The following PRKD1 variants were observed in gnomAD, a reference collection of about 807,000 sequenced individuals.
PRKD1 encodes protein kinase D1, also known as serine/threonine-protein kinase D1.
Under a neutral mutation model 95.9 loss-of-function variants are expected in PRKD1, and 63 were observed. The observed-to-expected ratio is 0.66, with a 90% CI of 0.54 to 0.81. The LOEUF is 0.81. PRKD1 is among the 30% of genes least tolerant of loss of function. The pLI, the probability that PRKD1 is intolerant of heterozygous loss-of-function variation, is 0.00. For synonymous variants in PRKD1, 425 were observed against 423.1 expected (o/e 1.00, Z -0.05); for missense variants, 1,048 against 1,165.3 (o/e 0.90, Z 1.47).
At chr14:29,856,175 T>C (rs1485956538) in intron 1 of PRKD1, among the ~76,000 whole-genome samples, 1 of 152,148 alleles carries the variant, frequency 6.6e-6, no homozygotes, top group Non-Finnish European at 1.5e-5. Context: ...GGAAAAATGC[T>C]AGAAAATCAA....
At chr14:29,622,104 C>A (rs1304988288) in intron 13 of PRKD1, among the ~76,000 whole-genome samples, 1 of 152,094 alleles carries the variant, frequency 6.6e-6, no homozygotes, top group African/African-American at 2.4e-5. Flanking sequence ...GCATTTAATT[C>A]TCATAAGGAG....
At chr14:29,871,607 T>G (rs983547670) in intron 1 of PRKD1, among the ~76,000 whole-genome samples, 2 of 152,228 alleles carry the variant, frequency 1.3e-5, no homozygotes, top group Non-Finnish European at 2.9e-5. Context: ...ATCCTGAGAT[T>G]AATAAATGAG....
Position 29,723,423 on chromosome 14 carries a change from A to C in PRKD1, c.403+2113T>G, listed in dbSNP as rs1566561848. 2.0e-5 allele frequency among the ~76,000 whole-genome samples: 3 copies of C among 152,184 alleles called. No homozygotes were observed. The South Asian group carries it at 6.2e-4, about 32-fold the overall frequency. The stretch of plus-strand genomic sequence containing the variant: ...GAAGACATAAAGACCGGGAAAAAGA[A>C]AGGAACATCAGGCATTTGATCACAA... On this transcript the variant is annotated intron_variant, in intron 2 of 17. Transcript: ENST00000331968.
intron 1 of PRKD1, among the ~76,000 whole-genome samples, chr14:29,738,971 T>C (rs1206611990): frequency 6.6e-6 from 1 of 151,930 alleles, no homozygotes; most frequent in East Asian, 1.9e-4. Context: ...GTGTAGCTGG[T>C]ATTATAGGTG....
At chr14:29,674,807 C>T (rs1240628772) in intron 2 of PRKD1, among the ~76,000 whole-genome samples, 1 of 152,148 alleles carries the variant, frequency 6.6e-6, no homozygotes, top group Non-Finnish European at 1.5e-5. Flanking sequence ...TTCTGATAGG[C>T]AGCAGGGCTT....
At position 29,696,621 on chromosome 14, in the gene PRKD1, T is replaced by C. The variant is rs147979307; in HGVS notation, c.403+28915A>G. 8.9e-3 allele frequency among the ~76,000 whole-genome samples: 1,360 copies of C among 152,340 alleles called. 17 individuals carry two copies. Among genetic ancestry groups the C allele is most frequent in the African/African-American group, 0.031 (1,305 of 41,574 alleles). Reference sequence around the variant, plus strand: ...GTAAATTTTATATGAGTGAATTTTATGGTATATGAATTATATCCCAATAAA... The same window carrying C: ...GTAAATTTTATATGAGTGAATTTTACGGTATATGAATTATATCCCAATAAA... On this transcript the variant is annotated intron_variant, in intron 2 of 17. Coordinates refer to ENST00000331968, the MANE Select transcript of PRKD1 (RefSeq NM_002742.3).
chr14:29,673,944 C>T lies in PRKD1; in HGVS notation c.404-7736G>A, dbSNP rs2139241892. 2.0e-5 allele frequency among the ~76,000 whole-genome samples: 3 copies of T among 152,240 alleles called. No individual in the cohort carries two copies. The South Asian group carries it at 6.2e-4, about 32-fold the overall frequency. ...CAAATGCATGACCTGGGGGAAGTTA[C>T]TTCACCTCTCTGAACCTCAGTGTCC... On this transcript the variant is annotated intron_variant, in intron 2 of 17. Coordinates refer to ENST00000331968, the MANE Select transcript of PRKD1 (RefSeq NM_002742.3).
Position 29,913,139 on chromosome 14 carries a change from T to C in PRKD1, c.264+14110A>G, listed in dbSNP as rs371357917. Among the ~76,000 whole-genome samples, 7 of 152,362 alleles carry C rather than the reference T, an allele frequency of 4.6e-5. No individual in the cohort carries two copies. In the East Asian group the frequency reaches 1.3e-3, roughly 29 times the overall value. ...TTTTAAGTTATACAGAAACATTTGT[T>C]TCAAAGTGGATAACATTCTAACCTA... On this transcript the variant is annotated intron_variant, in intron 1 of 17. Transcript: ENST00000331968.
At chr14:29,617,334 G>T (rs996067848) in intron 13 of PRKD1, among the ~76,000 whole-genome samples, 3 of 152,106 alleles carry the variant, frequency 2.0e-5, no homozygotes, top group African/African-American at 7.2e-5. Context: ...GGGATTATAG[G>T]TGTGAGCTAC....
At chr14:29,863,592 A>G (rs1034700053) in intron 1 of PRKD1, among the ~76,000 whole-genome samples, 8 of 152,190 alleles carry the variant, frequency 5.3e-5, no homozygotes, top group Non-Finnish European at 1.0e-4. Context: ...ACAAGCCCTG[A>G]GGAGATTTAT....
At chr14:29,647,944 A>C (rs1355497044) in intron 4 of PRKD1, among the ~76,000 whole-genome samples, 2 of 152,228 alleles carry the variant, frequency 1.3e-5, no homozygotes, top group African/African-American at 4.8e-5. Context: ...AAAGCAGTTA[A>C]TCATTAGGTA....
At chr14:29,878,362 A>C (rs1240036162) in intron 1 of PRKD1, among the ~76,000 whole-genome samples, 4 of 150,822 alleles carry the variant, frequency 2.7e-5, no homozygotes, top group Non-Finnish European at 5.9e-5. Flanking sequence ...AAAAAAAAAA[A>C]CCTACACACG....
intron 2 of PRKD1, among the ~76,000 whole-genome samples, chr14:29,700,857 T>C (rs967909035): frequency 6.6e-6 from 1 of 152,144 alleles, no homozygotes; most frequent in Non-Finnish European, 1.5e-5. Context: ...GGGTCTCTGC[T>C]ACCCTATCCT....
At chr14:29,604,310 T>A in intron 13 of PRKD1, among the ~76,000 whole-genome samples, 1 of 152,178 alleles carries the variant, frequency 6.6e-6, no homozygotes, top group East Asian at 1.9e-4. Flanking sequence ...AGGATTATTC[T>A]ACTCAAACAT....
chr14:29,841,439 C>T (rs998961810), intron 1 of PRKD1, among the ~76,000 whole-genome samples: 11 of 152,138 alleles, frequency 7.2e-5, no homozygotes, highest in African/African-American at 2.7e-4. Flanking sequence ...GGGAAGAACC[C>T]ATTGGGGGGT....
intron 2 of PRKD1, among the ~76,000 whole-genome samples, chr14:29,691,287 G>A (rs909217375): frequency 5.3e-5 from 8 of 152,134 alleles, no homozygotes; most frequent in Admixed American, 4.6e-4. Context: ...CAGCCCACTC[G>A]TGATTAACTT....
At chr14:29,802,705 G>A (rs1009768194) in intron 1 of PRKD1, among the ~76,000 whole-genome samples, 7 of 152,168 alleles carry the variant, frequency 4.6e-5, no homozygotes, top group African/African-American at 1.7e-4. Flanking sequence ...ATCTTATCAG[G>A]TGACTCAATA....
In PRKD1 at chr14:29,638,831, A is replaced by G; in HGVS notation, c.770T>C (p.Ile257Thr). The G allele has an allele frequency of 7.3e-7, 1 of 1,370,458 alleles. No individual in the cohort carries two copies. Among genetic ancestry groups the G allele is most frequent in the Non-Finnish European group, 9.8e-7 (1 of 1,019,620 alleles). 84.9% of individuals were successfully genotyped at this position (1,370,458 alleles called of 1,614,324 possible). A position where few individuals can be genotyped will look rare whatever the true frequency, so the allele number is the denominator to read the frequency against. Residue 257 changes from isoleucine to threonine, a missense_variant, in exon 5 of 18, where the codon ATT becomes ACT. This residue lies in a region of PRKD1 where 739 missense variants were observed against 861.9 expected (regional missense o/e 0.86). Coordinates refer to ENST00000331968, the MANE Select transcript of PRKD1 (RefSeq NM_002742.3). The part of the protein sequence containing the change: ...SNSQSYIGRP[I>T]HLDKILMSKV... The stretch of plus-strand genomic sequence containing the variant: ...AGACATCAAAATCTTGTCAAGGTGA[A>G]TTGGTCGTCCAATGTATGATTGAGA...
At chr14:29,849,591 C>T (rs1416228911) in intron 1 of PRKD1, among the ~76,000 whole-genome samples, 1 of 150,078 alleles carries the variant, frequency 6.7e-6, no homozygotes, top group Non-Finnish European at 1.5e-5. Context: ...AAAAAAACTA[C>T]CAATCAGAAA....
Sources: gnomAD v4.1 joint callset for allele counts (sites outside exome capture counted in the v4.1 genomes callset) on GRCh38, gnomAD v4.1.1 for gene constraint, gnomAD v4.1.1 regional missense constraint, MANE v1.5 for transcripts, NCBI Gene and HGNC (gene_info 2026-07-23, HGNC 2026-07-21) for gene names.